AMOTL1: variants seen among roughly 807,000 people sequenced by gnomAD.
AMOTL1 encodes angiomotin like 1.
In AMOTL1, 45 loss-of-function variants were observed where a neutral mutation model predicts 102.9. The ratio of observed to expected loss-of-function variants is 0.44; its 90% CI spans 0.34 to 0.56. The LOEUF (loss-of-function observed/expected upper bound fraction) is 0.56, where lower values mean the gene tolerates loss of function less well. Among genes scored for constraint, AMOTL1 ranks in the 20% least tolerant of loss-of-function variants. The pLI, the probability that AMOTL1 is intolerant of heterozygous loss-of-function variation, is 0.01. For missense variants in AMOTL1, 1,114 were observed against 1,225.6 expected, an observed-to-expected ratio of 0.91 and a Z score of 1.36; for synonymous variants, 481 against 484.7, an observed-to-expected ratio of 0.99 and a Z score of 0.10.
intron 1 of AMOTL1, among the ~76,000 whole-genome samples, chr11:94,722,854 T>C (rs1432030529): frequency 6.6e-6 from 1 of 152,184 alleles, no homozygotes. Context: ...TGAGTTCTAT[T>C]TCATACCCAT....
At chr11:94,783,299 A>G (rs1565349917) in intron 1 of AMOTL1, among the ~76,000 whole-genome samples, 1 of 152,170 alleles carries the variant, frequency 6.6e-6, no homozygotes, top group East Asian at 1.9e-4. Context: ...GAACAGAACA[A>G]TACCCTCCAC....
At chr11:94,832,529 C>T (rs764979366) in intron 6 of AMOTL1, among the ~76,000 whole-genome samples, 18 of 152,150 alleles carry the variant, frequency 1.2e-4, no homozygotes, top group Non-Finnish European at 1.9e-4. Context: ...TTTTAAATTC[C>T]GTTTTTTGCA....
intron 3 of AMOTL1, among the ~76,000 whole-genome samples, chr11:94,812,924 C>T (rs1419174690): frequency 6.6e-6 from 1 of 152,164 alleles, no homozygotes; most frequent in South Asian, 2.1e-4. Flanking sequence ...ATCCACATTC[C>T]ATATCAAAGG....
At chr11:94,761,518 AT>A (rs1486469498) in intron 3 of AMOTL1, among the ~76,000 whole-genome samples, 1 of 151,586 alleles carries the variant, frequency 6.6e-6, no homozygotes, top group Non-Finnish European at 1.5e-5. Context: ...GTTATTTCTA[AT>A]TTTTTTCTAG....
intron 3 of AMOTL1, among the ~76,000 whole-genome samples, 196 bp from the exon 4 acceptor site, chr11:94,821,334 G>C (rs1951861484): frequency 6.6e-6 from 1 of 152,188 alleles, no homozygotes; most frequent in Admixed American, 6.5e-5. Flanking sequence ...CAGGGACCTG[G>C]TCTGTCTTGT....
chr11:94,811,318 C>T (rs956583293), intron 3 of AMOTL1, among the ~76,000 whole-genome samples: 2 of 151,992 alleles, frequency 1.3e-5, no homozygotes, highest in African/African-American at 4.8e-5. Flanking sequence ...CATGGTGAAA[C>T]CCCGTCTCTA....
intron 4 of AMOTL1, among the ~76,000 whole-genome samples, chr11:94,828,108 C>T (rs1211604435): frequency 6.6e-6 from 1 of 152,184 alleles, no homozygotes; most frequent in Admixed American, 6.5e-5. Context: ...AACATGGTAT[C>T]TCCAAACCCA....
intron 1 of AMOTL1, among the ~76,000 whole-genome samples, chr11:94,708,979 A>T (rs1230605251): frequency 6.6e-6 from 1 of 152,182 alleles, no homozygotes; most frequent in Non-Finnish European, 1.5e-5. Flanking sequence ...CAGAGATTTA[A>T]AAATCGTTGG....
intron 1 of AMOTL1, among the ~76,000 whole-genome samples, chr11:94,727,103 C>T (rs1950273581): frequency 6.6e-6 from 1 of 152,096 alleles, no homozygotes; most frequent in Non-Finnish European, 1.5e-5. Context: ...GGCCACTGGG[C>T]CAAGAGAGAT....
intron 12 of AMOTL1, among the ~76,000 whole-genome samples, 197 bp from the exon 13 acceptor site, chr11:94,870,492 A>G (rs1326479330): frequency 6.6e-6 from 1 of 152,062 alleles, no homozygotes; most frequent in Non-Finnish European, 1.5e-5. Context: ...TCCCTTCACC[A>G]TCCTGGTTTG....
At chr11:94,716,116 A>G (rs1172822469) in intron 1 of AMOTL1, among the ~76,000 whole-genome samples, 1 of 152,072 alleles carries the variant, frequency 6.6e-6, no homozygotes, top group East Asian at 1.9e-4. Flanking sequence ...ATTCTGTCTT[A>G]TCATCATCAC....
At chr11:94,781,660 C>A (rs1278340678) in intron 1 of AMOTL1, among the ~76,000 whole-genome samples, 2 of 151,952 alleles carry the variant, frequency 1.3e-5, no homozygotes, top group Non-Finnish European at 2.9e-5. Flanking sequence ...CATGGTGAAA[C>A]CCCGTCTCTA....
At position 94,866,066 on chromosome 11, in the gene AMOTL1, T is replaced by C; in HGVS notation, c.2386T>C (p.Ser796Pro). 2 of 1,613,932 alleles carry C rather than the reference T, an allele frequency of 1.2e-6. No homozygotes were observed. The highest frequency in any genetic ancestry group is 1.7e-6 in the Non-Finnish European group (2 of 1,179,888). Residue 796 changes from serine (S) to proline (P), a missense_variant, in exon 11 of 13, where the codon TCC (serine) becomes CCC (proline). Transcript: ENST00000433060. Reference sequence around the variant, plus strand: ...CCTACGTCCTGCCCGCTCCGTTCCATCCATAGCAGCAGCTACTGGGACACA... The same window carrying C: ...CCTACGTCCTGCCCGCTCCGTTCCACCCATAGCAGCAGCTACTGGGACACA... Reference protein sequence around the residue: ...SSLRPARSVPSIAAATGTHSR... With the variant: ...SSLRPARSVPPIAAATGTHSR...
At chr11:94,791,303 C>G (rs113819240) in intron 1 of AMOTL1, among the ~76,000 whole-genome samples, 2 of 152,180 alleles carry the variant, frequency 1.3e-5, no homozygotes, top group Non-Finnish European at 2.9e-5. Context: ...GCAGCAAAAA[C>G]AGATCTTTAG....
chr11:94,869,500 C>G (rs1952951227), intron 12 of AMOTL1, 27 bp downstream of exon 12: 1 of 1,562,494 alleles, frequency 6.4e-7, no homozygotes, highest in Non-Finnish European at 8.7e-7. Context: ...ACCTTGATGC[C>G]CCTGAAAACT....
At chr11:94,762,184 G>T (rs985315550) in intron 3 of AMOTL1, among the ~76,000 whole-genome samples, 14 of 152,196 alleles carry the variant, frequency 9.2e-5, no homozygotes, top group African/African-American at 3.4e-4. Flanking sequence ...ATAATAGAAT[G>T]ATATATTATA....
chr11:94,797,697 C>A lies in AMOTL1; in HGVS notation c.200-1693C>A, dbSNP rs542931782. On this transcript the variant is annotated intron_variant, in intron 2 of 12. Transcript: ENST00000433060. ...AAGAGATATGGTGAGATGCATTTTT[C>A]TAGGCAGAGGGAAGGCAAGCAAAGG... 2.6e-5 allele frequency among the ~76,000 whole-genome samples: 4 copies of A among 152,276 alleles called. No homozygotes were observed. In the East Asian group the frequency reaches 7.7e-4, roughly 29 times the overall value.
chr11:94,759,834 A>G (rs1188738473), intron 3 of AMOTL1, among the ~76,000 whole-genome samples: 1 of 152,246 alleles, frequency 6.6e-6, no homozygotes, highest in Non-Finnish European at 1.5e-5. Flanking sequence ...TTCTTGTACA[A>G]TATCATGTGC....
At chr11:94,710,735 T>C (rs1159833439) in intron 1 of AMOTL1, among the ~76,000 whole-genome samples, 1 of 152,200 alleles carries the variant, frequency 6.6e-6, no homozygotes, top group Non-Finnish European at 1.5e-5. Context: ...TCTGAATATC[T>C]CTTCTACTGC....
Sources: allele counts gnomAD v4.1 joint callset (sites outside exome capture counted in the v4.1 genomes callset), GRCh38; gene constraint gnomAD v4.1.1; transcripts MANE v1.5; gene names NCBI Gene and HGNC (gene_info 2026-07-23, HGNC 2026-07-21).